Variants in SNRPN observed in about 807,000 individuals in gnomAD.
The protein encoded by SNRPN is small nuclear ribonucleoprotein polypeptide N, also known as small nuclear ribonucleoprotein-associated protein N.
In SNRPN, 7 loss-of-function variants were observed where a neutral mutation model predicts 25.2. That is an observed-to-expected ratio of 0.28 (90% CI 0.16 to 0.52). The LOEUF (loss-of-function observed/expected upper bound fraction) is 0.52. Among genes scored for constraint, SNRPN ranks in the 20% least tolerant of loss-of-function variants. The pLI is 0.96. For missense variants in SNRPN, 196 were observed against 322.5 expected, an observed-to-expected ratio of 0.61 and a Z score of 3.00; for synonymous variants, 124 against 110.6, an observed-to-expected ratio of 1.12 and a Z score of -0.76.
At chr15:24,836,482 G>C (rs75417438) in intron 2 of SNRPN, among the ~76,000 whole-genome samples, 21,513 of 151,318 alleles carry the variant, frequency 0.14, 1,771 homozygotes, top group African/African-American at 0.21. Flanking sequence ...TGTGATCTCT[G>C]CTAACCACAA....
upstream of SNRPN, chr15:24,852,230 A>G (rs2052922924): frequency 6.6e-6 from 1 of 152,120 alleles, no homozygotes; most frequent in African/African-American, 2.4e-5. Flanking sequence ...CAAACTATAA[A>G]CCTATCAACA....
intron 2 of SNRPN, among the ~76,000 whole-genome samples, chr15:24,905,962 T>G (rs2058773134): frequency 6.6e-6 from 1 of 152,102 alleles, no homozygotes; most frequent in Non-Finnish European, 1.5e-5. Flanking sequence ...AAGTAATATA[T>G]TTTCATCACC....
At chr15:24,879,337 T>TGA (rs1478324138) in intron 1 of SNRPN, among the ~76,000 whole-genome samples, 1 of 151,616 alleles carries the variant, frequency 6.6e-6, no homozygotes, top group Admixed American at 6.6e-5. Context: ...CTCGGGAGGC[T>TGA]GAGGCAGGAG....
upstream of SNRPN, among the ~76,000 whole-genome samples, chr15:24,953,418 C>T (rs748964562): frequency 2.6e-5 from 4 of 152,056 alleles, no homozygotes; most frequent in Admixed American, 6.6e-5. Context: ...CCGCCTCCCA[C>T]GTTCAAGCAA....
intron 8 of SNRPN, 44 bp downstream of exon 8, chr15:24,977,960 A>G: frequency 2.0e-6 from 3 of 1,501,876 alleles, no homozygotes; most frequent in Non-Finnish European, 2.7e-6. Flanking sequence ...ATCTCTGATG[A>G]GAGATAGCTT....
intron 1 of SNRPN, among the ~76,000 whole-genome samples, chr15:24,956,520 C>T (rs1230704627): frequency 6.6e-6 from 1 of 152,302 alleles, no homozygotes; most frequent in Non-Finnish European, 1.5e-5. Context: ...CAAAGTGCTG[C>T]TTGGGAAAGG....
intron 2 of SNRPN, among the ~76,000 whole-genome samples, chr15:24,965,485 C>T (rs1025297860): frequency 1.4e-4 from 21 of 152,250 alleles, no homozygotes; most frequent in South Asian, 4.2e-4. Flanking sequence ...TGCAGTGAGC[C>T]GAGATGGTGC....
chr15:24,943,492 T>G (rs1271327327), intron 3 of SNRPN, among the ~76,000 whole-genome samples: 1 of 152,166 alleles, frequency 6.6e-6, no homozygotes, highest in Non-Finnish European at 1.5e-5. Flanking sequence ...CACTTCTTCA[T>G]GTGACTTAGT....
rs61595742 is a variant in SNRPN at position 24,918,665 on chromosome 15, AATAT to A, written c.-504-1341_-504-1338del. On this transcript the variant is annotated intron_variant, in intron 2 of 11. Coordinates refer to the SNRPN transcript ENST00000400097. ...ATATATGTGTGCATATATATAACAT[AATAT>A]ATATGTGTGCATATATATAACATAA... Among the ~76,000 whole-genome samples, 75 of 98,106 alleles carry A rather than the reference AATAT, an allele frequency of 7.6e-4. 14 individuals are homozygous for A. Among genetic ancestry groups the A allele is most frequent in the African/African-American group, 3.1e-3 (71 of 23,074 alleles). 64.4% of individuals were successfully genotyped at this position (98,106 alleles called of 152,430 possible).
chr15:24,975,441 C>T lies in SNRPN; in HGVS notation c.87C>T (p.Gly29=), dbSNP rs2076954041. ...TGCAAGATGGCCGAATCTTCATTGGCACCTTTAAGGCTTTTGACAAGCATA... is the reference window on the plus strand; with the variant it reads ...TGCAAGATGGCCGAATCTTCATTGGTACCTTTAAGGCTTTTGACAAGCATA... ...CILQDGRIFI[G]TFKAFDKHMN... is the part of the protein sequence containing the mutation. Residue 29 remains glycine, a synonymous_variant, in exon 5 of 10, where the codon GGC becomes GGT. Coordinates refer to ENST00000390687, the MANE Select transcript of SNRPN (RefSeq NM_003097.6). 1.9e-6 allele frequency: 3 copies of T among 1,612,994 alleles called. No homozygotes were observed. Among genetic ancestry groups the T allele is most frequent in the Admixed American group, 3.3e-5 (2 of 59,990 alleles).
At chr15:24,940,172 C>A (rs1385524383) in intron 3 of SNRPN, among the ~76,000 whole-genome samples, 1 of 152,066 alleles carries the variant, frequency 6.6e-6, no homozygotes, top group African/African-American at 2.4e-5. Flanking sequence ...TGTGTGTTGC[C>A]TTTTCACTCT....
chr15:24,975,427 C>A lies in SNRPN; in HGVS notation c.73C>A (p.Arg25=), dbSNP rs780552612. Residue 25 remains arginine, a synonymous_variant, in exon 5 of 10, where the codon CGA becomes AGA. Coordinates refer to ENST00000390687, the MANE Select transcript of SNRPN (RefSeq NM_003097.6). The stretch of plus-strand genomic sequence containing the variant: ...AATGAGATGTATCCTGCAAGATGGC[C>A]GAATCTTCATTGGCACCTTTAAGGC... ...YRMRCILQDG[R]IFIGTFKAFD... 1.2e-6 allele frequency: 2 copies of A among 1,612,806 alleles called. No individual in the cohort carries two copies. Among genetic ancestry groups the A allele is most frequent in the Non-Finnish European group, 1.7e-6 (2 of 1,179,036 alleles).
chr15:24,919,024 C>G (rs866015526), intron 2 of SNRPN, among the ~76,000 whole-genome samples: 2 of 129,726 alleles, frequency 1.5e-5, no homozygotes, highest in Non-Finnish European at 3.2e-5. Flanking sequence ...TATATATGTG[C>G]GCATATATAT....
In SNRPN at chr15:24,864,493, G is replaced by A. The variant is rs1339673045; in HGVS notation, c.-579+7777G>A. Among the ~76,000 whole-genome samples, 99 of 149,344 alleles carry A rather than the reference G, an allele frequency of 6.6e-4. 2 individuals are homozygous for A. The highest frequency in any genetic ancestry group is 2.3e-3 in the Admixed American group (34 of 15,000). ...CTAGTAGCTGGGATTACAGGCGCCCGCCACCACGCCCAGCTAATTTTTGTA... is the reference window on the plus strand; with the variant it reads ...CTAGTAGCTGGGATTACAGGCGCCCACCACCACGCCCAGCTAATTTTTGTA... On this transcript the variant is annotated intron_variant, in intron 1 of 11. Coordinates refer to the SNRPN transcript ENST00000400097.
chr15:24,954,908 C>A, upstream of SNRPN: 3 of 1,254,812 alleles, frequency 2.4e-6, no homozygotes, highest in East Asian at 2.4e-5. Flanking sequence ...AGCACGCCTG[C>A]GCGGCCGCAG....
chr15:24,973,761 CTATATA>C (rs141531099), intron 3 of SNRPN, among the ~76,000 whole-genome samples: 2 of 151,542 alleles, frequency 1.3e-5, no homozygotes, highest in African/African-American at 4.8e-5. Flanking sequence ...TTATGTGAGT[CTATATA>C]TATATATTCC....
intron 2 of SNRPN, among the ~76,000 whole-genome samples, chr15:24,914,514 A>G (rs1275812724): frequency 6.6e-6 from 1 of 152,180 alleles, no homozygotes; most frequent in African/African-American, 2.4e-5. Flanking sequence ...TCTGGGCAAC[A>G]TAGCGGGATA....
At chr15:24,867,964 T>C (rs1409821086) in intron 1 of SNRPN, among the ~76,000 whole-genome samples, 3 of 152,120 alleles carry the variant, frequency 2.0e-5, no homozygotes, top group African/African-American at 7.2e-5. Context: ...TATTTTTAAA[T>C]ATTTTAGTAG....
Position 24,935,846 on chromosome 15 carries a change from C to T in SNRPN, c.-391+15722C>T, listed in dbSNP as rs774816583. Among the ~76,000 whole-genome samples the T allele has an allele frequency of 8.7e-4, 133 of 152,116 alleles. 1 individual carries two copies. The highest frequency in any genetic ancestry group is 1.3e-3 in the Non-Finnish European group (86 of 67,986). On this transcript the variant is annotated intron_variant, in intron 3 of 11. Transcript: ENST00000400097. Reference sequence around the variant, plus strand: ...AGAATTAAAAATCATGGGCTGGGTGCGGTGGCTCACCCCTGTAATCCCAGT... The same window carrying T: ...AGAATTAAAAATCATGGGCTGGGTGTGGTGGCTCACCCCTGTAATCCCAGT...
Sources: allele counts gnomAD v4.1 joint callset (sites outside exome capture counted in the v4.1 genomes callset), GRCh38; gene constraint gnomAD v4.1.1; transcripts MANE v1.5; gene names NCBI Gene and HGNC (gene_info 2026-07-23, HGNC 2026-07-21).